The following DNAJB6 variants were observed in gnomAD, a reference collection of about 807,000 sequenced individuals.
DNAJB6 encodes the protein DnaJ heat shock protein family (Hsp40) member B6, also known as dnaJ homolog subfamily B member 6.
Under a neutral mutation model 42.7 loss-of-function variants are expected in DNAJB6, and 16 were observed. The ratio of observed to expected loss-of-function variants is 0.37; its 90% CI spans 0.25 to 0.57. The LOEUF is 0.57. DNAJB6 is among the 20% of genes least tolerant of loss of function. DNAJB6 has a pLI of 0.74. For synonymous variants in DNAJB6, 170 were observed against 163.5 expected, an observed-to-expected ratio of 1.04 and a Z score of -0.30; for missense variants, 347 against 416.8, an observed-to-expected ratio of 0.83 and a Z score of 1.46.
chr7:157,409,995 G>T lies in DNAJB6; in HGVS notation c.892G>T (p.Ala298Ser), dbSNP rs1470950962. 6.5e-7 allele frequency: 1 copy of T among 1,529,184 alleles called. No individual in the cohort carries two copies. The highest frequency in any genetic ancestry group is 8.8e-7 in the Non-Finnish European group (1 of 1,140,900). 94.7% of individuals were successfully genotyped at this position (1,529,184 alleles called of 1,614,324 possible). Residue 298 changes from alanine (A) to serine (S), a missense_variant, in exon 9 of 10, where the codon GCA becomes TCA. Transcript: ENST00000262177. ...APGPWDPLAS[A>S]AGLKEGGKRK... ...CGGGCCCTGGGACCCCCTCGCGTCC[G>T]CAGCAGGTGTGCAAAGGGAGGCAGC...
intron 5 of DNAJB6, among the ~76,000 whole-genome samples, chr7:157,371,796 G>C (rs1800223494): frequency 6.6e-6 from 1 of 152,248 alleles, no homozygotes; most frequent in South Asian, 2.1e-4. Context: ...AGATAGGAAA[G>C]AAAGGGTACC....
intron 5 of DNAJB6, chr7:157,381,486 A>G (rs1001734968): frequency 2.0e-5 from 3 of 152,200 alleles, no homozygotes; most frequent in African/African-American, 7.2e-5. Context: ...AACAGAGGAA[A>G]ACAAAACGGT....
intron 8 of DNAJB6, among the ~76,000 whole-genome samples, chr7:157,403,076 C>T (rs943979675): frequency 7.2e-5 from 11 of 152,298 alleles, no homozygotes; most frequent in South Asian, 6.2e-4. Context: ...CGTCCCTACA[C>T]GCAAGATGTA....
intron 5 of DNAJB6, chr7:157,380,143 G>T (rs1800681651): frequency 6.6e-6 from 1 of 152,058 alleles, no homozygotes; most frequent in South Asian, 2.1e-4. Flanking sequence ...CACCTCCTAG[G>T]GGAGATGAAG....
At chr7:157,367,192 G>A (rs1171207232) in intron 4 of DNAJB6, among the ~76,000 whole-genome samples, 181 bp from the exon 5 acceptor site, 1 of 152,204 alleles carries the variant, frequency 6.6e-6, no homozygotes, top group African/African-American at 2.4e-5. Context: ...TGCCATCAGC[G>A]CTGGGCACAC....
In DNAJB6 at chr7:157,409,815, C is replaced by G. The variant is rs995356793; in HGVS notation, c.712C>G (p.Leu238Val). The G allele has an allele frequency of 1.3e-6, 2 of 1,530,832 alleles. No homozygotes were observed. The highest frequency in any genetic ancestry group is 2.8e-5 in the African/African-American group (2 of 72,704). The allele number at this position is 1,530,832 out of a possible 1,614,324, so 94.8% of individuals were successfully genotyped here. ...TINGVADDDALAEERMRRGQN... is the reference protein window; with the variant it reads ...TINGVADDDAVAEERMRRGQN... ...TGCAGGTGTGGCCGACGACGATGCC[C>G]TCGCTGAGGAGCGCATGCGGAGAGG... is the stretch of plus-strand genomic sequence containing the variant. Residue 238 changes from leucine to valine, a missense_variant, in exon 9 of 10, where the codon CTC (leucine) becomes GTC (valine). Physicochemically the swap from Leu to Val is conservative, Grantham distance 32. Around this residue, in one of 3 missense-constraint regions of DNAJB6, gnomAD observed 264 missense variants for 288.0 expected, o/e 0.92. Transcript: ENST00000262177.
intron 1 of DNAJB6, among the ~76,000 whole-genome samples, chr7:157,344,316 A>G (rs1255136478): frequency 6.6e-6 from 1 of 151,342 alleles, no homozygotes; most frequent in Non-Finnish European, 1.5e-5. Flanking sequence ...ACTCTACTGC[A>G]CTCTGCCTGG....
intron 8 of DNAJB6, among the ~76,000 whole-genome samples, chr7:157,402,028 C>G (rs191164312): frequency 6.6e-6 from 1 of 152,326 alleles, no homozygotes; most frequent in South Asian, 2.1e-4. Flanking sequence ...ACGGAGGGAG[C>G]GTGTCTGCTC....
At chr7:157,403,178 A>G (rs1563149671) in intron 8 of DNAJB6, among the ~76,000 whole-genome samples, 1 of 152,152 alleles carries the variant, frequency 6.6e-6, no homozygotes, top group East Asian at 1.9e-4. Flanking sequence ...TGAGTCTCTG[A>G]TCAGCCTTTC....
intron 8 of DNAJB6, among the ~76,000 whole-genome samples, chr7:157,393,118 C>T (rs975289209): frequency 2.6e-5 from 4 of 151,958 alleles, no homozygotes; most frequent in Non-Finnish European, 4.4e-5. Context: ...GAATTACAGG[C>T]GCCTGCCACC....
rs79316467 is a variant in DNAJB6, at chr7:157,405,150, C to T, written c.692-4645C>T. 2.8e-3 allele frequency among the ~76,000 whole-genome samples: 422 copies of T among 152,296 alleles called. 6 individuals are homozygous for T. The East Asian group carries it at 0.051, about 18-fold the overall frequency. Reference sequence around the variant, plus strand: ...TCCAGGTCCTCCCACATGTGGGACGCGGCGATGGCAGAGATAAGAAGGTGA... The same window carrying T: ...TCCAGGTCCTCCCACATGTGGGACGTGGCGATGGCAGAGATAAGAAGGTGA... On this transcript the variant is annotated intron_variant, in intron 8 of 9. Coordinates refer to ENST00000262177, the MANE Select transcript of DNAJB6 (RefSeq NM_058246.4).
chr7:157,361,614 G>A (rs1799600870), intron 2 of DNAJB6, among the ~76,000 whole-genome samples: 1 of 152,206 alleles, frequency 6.6e-6, no homozygotes, highest in East Asian at 1.9e-4. Context: ...CTTGCCTAGT[G>A]TTAAAAGCAC....
chr7:157,343,262 C>G (rs1798511257), intron 1 of DNAJB6, among the ~76,000 whole-genome samples: 1 of 151,916 alleles, frequency 6.6e-6, no homozygotes, highest in South Asian at 2.1e-4. Context: ...CAGGTTCAAG[C>G]AATTCTCCTG....
intron 1 of DNAJB6, among the ~76,000 whole-genome samples, chr7:157,340,999 C>CGCGCGCGCTT (rs1330349362): frequency 3.6e-5 from 1 of 27,514 alleles, no homozygotes; most frequent in Admixed American, 4.3e-4. Flanking sequence ...TGTGTGTGTG[C>CGCGCGCGCTT]GCGCGCGCAG....
rs1415089120 is a variant in DNAJB6 at position 157,375,011 on chromosome 7, T to C, written c.347-7235T>C. 7.2e-5 allele frequency among the ~76,000 whole-genome samples: 11 copies of C among 152,294 alleles called. No homozygotes were observed. In the East Asian group the frequency reaches 1.3e-3, roughly 19 times the overall value. On this transcript the variant is annotated intron_variant, in intron 5 of 9. Coordinates refer to ENST00000262177, the MANE Select transcript of DNAJB6 (RefSeq NM_058246.4). The stretch of plus-strand genomic sequence containing the variant: ...GTCAACTTGTGGACAACTCCAGAGA[T>C]TGAGATAGTTGCCGTATCCTTAGTG...
At chr7:157,339,599 TTTTGTGTGTG>T (rs1269049066) in intron 1 of DNAJB6, among the ~76,000 whole-genome samples, 1 of 115,992 alleles carries the variant, frequency 8.6e-6, no homozygotes, top group African/African-American at 3.5e-5. Context: ...GCGCCCGGCC[TTTTGTGTGTG>T]TGTGTGTGTG....
intron 1 of DNAJB6, among the ~76,000 whole-genome samples, chr7:157,337,994 C>T (rs960827396): frequency 3.3e-5 from 5 of 152,196 alleles, no homozygotes; most frequent in Non-Finnish European, 5.9e-5. Flanking sequence ...AGGGGTGCCG[C>T]CTGCGAGCTC....
chr7:157,391,041 G>T lies in DNAJB6; in HGVS notation c.691+5430G>T, dbSNP rs115380253. Reference sequence around the variant, plus strand: ...AGTGGAGACAGGGTTTTGCCGTGTTGCCCAGGCTGGTCTTGAACTCTTGGG... The same window carrying T: ...AGTGGAGACAGGGTTTTGCCGTGTTTCCCAGGCTGGTCTTGAACTCTTGGG... On this transcript the variant is annotated intron_variant, in intron 8 of 9. Transcript: ENST00000262177. Among the ~76,000 whole-genome samples, 906 of 152,210 alleles carry T rather than the reference G, an allele frequency of 6.0e-3. 8 individuals are homozygous for T. Among genetic ancestry groups the T allele is most frequent in the African/African-American group, 0.021 (873 of 41,524 alleles).
chr7:157,386,752 CAG>C (rs1801082576), intron 8 of DNAJB6, among the ~76,000 whole-genome samples: 1 of 151,994 alleles, frequency 6.6e-6, no homozygotes, highest in Non-Finnish European at 1.5e-5. Flanking sequence ...GGTGTGGTGG[CAG>C]GCGCCTGTAA....
Sources: gnomAD v4.1 joint callset for allele counts (sites outside exome capture counted in the v4.1 genomes callset) on GRCh38, gnomAD v4.1.1 for gene constraint, gnomAD v4.1.1 regional missense constraint, MANE v1.5 for transcripts, NCBI Gene and HGNC (gene_info 2026-07-23, HGNC 2026-07-21) for gene names.